Variants in STXBP5L observed in about 807,000 individuals in gnomAD.
STXBP5L encodes the protein syntaxin binding protein 5L.
STXBP5L carries 65 observed loss-of-function variants against 144.5 expected under a neutral mutation model. The observed-to-expected ratio is 0.45, with a 90% CI of 0.37 to 0.55. STXBP5L has a LOEUF of 0.55. Among genes scored for constraint, STXBP5L ranks in the 20% least tolerant of loss-of-function variants. STXBP5L has a pLI of 0.00. For missense variants in STXBP5L, 1,298 were observed against 1,405.5 expected (o/e 0.92, Z 1.22); for synonymous variants, 505 against 469.6 (o/e 1.08, Z -0.97).
intron 20 of STXBP5L, among the ~76,000 whole-genome samples, chr3:121,323,354 A>G (rs1230149842): frequency 6.6e-6 from 1 of 152,158 alleles, no homozygotes; most frequent in Non-Finnish European, 1.5e-5. Context: ...CCCATCTTGC[A>G]TTCATTTTTG....
chr3:120,933,933 G>A (rs1444407767), intron 2 of STXBP5L, among the ~76,000 whole-genome samples: 1 of 152,032 alleles, frequency 6.6e-6, no homozygotes, highest in South Asian at 2.1e-4. Flanking sequence ...AGGAATGATT[G>A]TAGTTTGCTG....
intron 2 of STXBP5L, among the ~76,000 whole-genome samples, chr3:120,934,508 C>T (rs1394157179): frequency 2.0e-5 from 3 of 151,982 alleles, no homozygotes; most frequent in African/African-American, 7.2e-5. Context: ...CCAATCAGAT[C>T]CAGTTGATGA....
At chr3:121,284,733 A>G (rs2051173175) in intron 19 of STXBP5L, among the ~76,000 whole-genome samples, 1 of 152,072 alleles carries the variant, frequency 6.6e-6, no homozygotes, top group South Asian at 2.1e-4. Flanking sequence ...AATTTTGCAA[A>G]AGTAATCATA....
intron 5 of STXBP5L, among the ~76,000 whole-genome samples, chr3:121,055,475 G>C (rs186651285): frequency 1.9e-4 from 29 of 152,210 alleles, no homozygotes; most frequent in Non-Finnish European, 2.9e-4. Context: ...GCCTTAGATT[G>C]TTAAGTAATA....
chr3:121,413,199 C>T lies in STXBP5L; in HGVS notation c.2990C>T (p.Pro997Leu), dbSNP rs756589561. ...CCAATGTTGGATGTTAATTATTTGC[C>T]ACTGACAGACATGAGGATAGCACGA... ...LRPMLDVNYL[P>L]LTDMRIARTF... is the part of the protein sequence containing the mutation. The change falls in exon 24 of 27, where the codon CCA becomes CTA. Residue 997 changes from proline (P) to leucine (L), a missense_variant. Coordinates refer to ENST00000471454, the MANE Select transcript of STXBP5L (RefSeq NM_001308330.2). 2.5e-6 allele frequency: 4 copies of T among 1,605,636 alleles called. No individual in the cohort carries two copies. In the Admixed American group the frequency reaches 6.9e-5, roughly 28 times the overall value.
At chr3:121,041,602 C>T (rs905786873) in intron 3 of STXBP5L, 98 bp from the exon 4 acceptor site, 2 of 901,058 alleles carry the variant, frequency 2.2e-6, no homozygotes, top group East Asian at 2.6e-5. Flanking sequence ...TAAGGGAAAC[C>T]AAATAGCAAA....
Position 121,339,229 on chromosome 3 carries a change from G to A in STXBP5L, c.2176+20689G>A, listed in dbSNP as rs1156273538. Reference sequence around the variant, plus strand: ...CAAAAAGGTAATTAACTATGATTAAGTGGGTATTATCCCAGGGATGCAGGG... The same window carrying A: ...CAAAAAGGTAATTAACTATGATTAAATGGGTATTATCCCAGGGATGCAGGG... On this transcript the variant is annotated intron_variant, in intron 20 of 26. Coordinates refer to ENST00000471454, the MANE Select transcript of STXBP5L (RefSeq NM_001308330.2). Among the ~76,000 whole-genome samples the A allele has an allele frequency of 2.0e-5, 3 of 152,132 alleles. No individual in the cohort carries two copies. In the East Asian group the frequency reaches 5.8e-4, roughly 29 times the overall value.
chr3:121,280,326 C>T (rs1340070659), intron 19 of STXBP5L, among the ~76,000 whole-genome samples: 1 of 151,854 alleles, frequency 6.6e-6, no homozygotes, highest in Admixed American at 6.6e-5. Flanking sequence ...TAACTTTCTT[C>T]TAAAATATCT....
In STXBP5L at chr3:121,346,440, T is replaced by G. The variant is rs545423572; in HGVS notation, c.2176+27900T>G. On this transcript the variant is annotated intron_variant, in intron 20 of 26. Transcript: ENST00000471454. Reference sequence around the variant, plus strand: ...TGTGCATGTGTCTTTATAGCAGCATTATTTATAATCCTTTGGGTATATACC... The same window carrying G: ...TGTGCATGTGTCTTTATAGCAGCATGATTTATAATCCTTTGGGTATATACC... Among the ~76,000 whole-genome samples, 89 of 152,158 alleles carry G rather than the reference T, an allele frequency of 5.8e-4. 1 individual carries two copies. Among genetic ancestry groups the G allele is most frequent in the Middle Eastern group, 3.4e-3 (1 of 294 alleles).
At chr3:121,012,850 C>T (rs974752869) in intron 3 of STXBP5L, among the ~76,000 whole-genome samples, 1 of 151,754 alleles carries the variant, frequency 6.6e-6, no homozygotes, top group Non-Finnish European at 1.5e-5. Flanking sequence ...CATCTTCCCT[C>T]CACCCTTTTG....
At chr3:121,060,017 G>A (rs2041184569) in intron 5 of STXBP5L, among the ~76,000 whole-genome samples, 1 of 152,136 alleles carries the variant, frequency 6.6e-6, no homozygotes, top group African/African-American at 2.4e-5. Context: ...TGTTGAATAG[G>A]AGTGGTGAGA....
chr3:121,019,746 C>G lies in STXBP5L; in HGVS notation c.288-21954C>G, dbSNP rs149884031. Among the ~76,000 whole-genome samples the G allele has an allele frequency of 2.6e-5, 4 of 152,312 alleles. No homozygotes were observed. In the East Asian group the frequency reaches 7.7e-4, roughly 29 times the overall value. Reference sequence around the variant, plus strand: ...TGGAGAGCACCACATTAAGGGATCACTCCATGGGACAAAAGAATCTGAACA... The same window carrying G: ...TGGAGAGCACCACATTAAGGGATCAGTCCATGGGACAAAAGAATCTGAACA... On this transcript the variant is annotated intron_variant, in intron 3 of 26. Transcript: ENST00000471454.
chr3:121,297,200 ATATGTGTGTGTG>A (rs1419366533), intron 19 of STXBP5L, among the ~76,000 whole-genome samples: 3 of 68,824 alleles, frequency 4.4e-5, no homozygotes, highest in African/African-American at 1.5e-4. Context: ...ATTCTACATT[ATATGTGTGTGTG>A]TGTGTGTGTG....
rs572168218 is a variant in STXBP5L, at chr3:121,314,803, C to T, written c.2111-3672C>T. ...AAGTTTACAAGAAAAAAACAAACAA[C>T]CCCATCAAAAAATGGGCAAAGGATA... is the stretch of plus-strand genomic sequence containing the variant. On this transcript the variant is annotated intron_variant, in intron 19 of 26. Transcript: ENST00000471454. Among the ~76,000 whole-genome samples the T allele has an allele frequency of 6.6e-5, 10 of 152,260 alleles. No homozygotes were observed. The South Asian group carries it at 1.0e-3, about 16-fold the overall frequency.
intron 5 of STXBP5L, among the ~76,000 whole-genome samples, chr3:121,058,687 A>T (rs1032807397): frequency 2.6e-5 from 4 of 152,220 alleles, no homozygotes; most frequent in African/African-American, 9.6e-5. Flanking sequence ...GTGAGATGGT[A>T]TCTCATTGTG....
At chr3:121,006,642 G>A (rs1322158692) in intron 3 of STXBP5L, among the ~76,000 whole-genome samples, 1 of 152,164 alleles carries the variant, frequency 6.6e-6, no homozygotes, top group South Asian at 2.1e-4. Flanking sequence ...TTTCTTCCTA[G>A]TATCAATGGT....
chr3:121,295,123 G>T (rs2051599009), intron 19 of STXBP5L, among the ~76,000 whole-genome samples: 1 of 151,996 alleles, frequency 6.6e-6, no homozygotes, highest in Non-Finnish European at 1.5e-5. Flanking sequence ...TTAGAGAAAA[G>T]AGCATATTTT....
chr3:120,982,683 A>T (rs749068487), intron 3 of STXBP5L, among the ~76,000 whole-genome samples: 1 of 152,042 alleles, frequency 6.6e-6, no homozygotes, highest in Non-Finnish European at 1.5e-5. Context: ...GCTGCTTTGT[A>T]TATAGAGGGG....
chr3:121,398,335 C>A (rs1450762535), intron 22 of STXBP5L, among the ~76,000 whole-genome samples: 1 of 152,246 alleles, frequency 6.6e-6, no homozygotes, highest in Non-Finnish European at 1.5e-5. Flanking sequence ...AGAAGGCTCA[C>A]AGCTTTTGTG....
Sources: allele counts gnomAD v4.1 joint callset (sites outside exome capture counted in the v4.1 genomes callset), GRCh38; gene constraint gnomAD v4.1.1; transcripts MANE v1.5; gene names NCBI Gene and HGNC (gene_info 2026-07-23, HGNC 2026-07-21).